CCDC88C: variants seen among roughly 807,000 people sequenced by gnomAD.
CCDC88C encodes the protein protein Daple.
In CCDC88C, 131 loss-of-function variants were observed where a neutral mutation model predicts 198.8. The observed-to-expected ratio is 0.66, with a 90% CI of 0.57 to 0.76. CCDC88C has a LOEUF of 0.76. CCDC88C is among the 30% of genes least tolerant of loss of function. The probability of loss-of-function intolerance (pLI) is 0.00; values close to 1 mark genes in which losing one functional copy is unlikely to be tolerated. For synonymous variants in CCDC88C, 1,166 were observed against 1,114.7 expected (o/e 1.05, Z -0.92); for missense variants, 2,553 against 2,631.6 (o/e 0.97, Z 0.65).
rs113441106 is a variant in CCDC88C, at chr14:91,273,947, G to A, written c.5059-294C>T. 2.3e-3 allele frequency among the ~76,000 whole-genome samples: 354 copies of A among 152,234 alleles called. 2 individuals are homozygous for A. The highest frequency in any genetic ancestry group is 8.3e-3 in the African/African-American group (344 of 41,520). On this transcript the variant is annotated intron_variant, in intron 29 of 29. Coordinates refer to ENST00000389857, the MANE Select transcript of CCDC88C (RefSeq NM_001080414.4). This position sits in a 1 kb window ranked among gnomAD's most constrained non-coding sequence, Gnocchi z 5.6. ...AGAGAGGGAAATGACTTCCTACAAA[G>A]TGAGTAAGTTTCCCAGAAACCTCGA...
At chr14:91,281,094 G>A (rs1483761393) in intron 27 of CCDC88C, 4 of 469,740 alleles carry the variant, frequency 8.5e-6, no homozygotes, top group Non-Finnish European at 1.7e-5. Flanking sequence ...ATACGCCTCA[G>A]AGCTACTATG....
At chr14:91,391,673 G>A (rs546575004) in intron 3 of CCDC88C, among the ~76,000 whole-genome samples, 1 of 152,244 alleles carries the variant, frequency 6.6e-6, no homozygotes, top group Admixed American at 6.5e-5. Context: ...CAGCTACTCG[G>A]GAGGCTGAGG....
Position 91,294,286 on chromosome 14 carries a change from T to G in CCDC88C, c.3999A>C (p.Glu1333Asp). The G allele has an allele frequency of 6.2e-7, 1 of 1,614,028 alleles. No homozygotes were observed. The highest frequency in any genetic ancestry group is 1.1e-5 in the South Asian group (1 of 91,086). The stretch of plus-strand genomic sequence containing the variant: ...TCTGGCTCAGGAGGTGATGATTTTC[T>G]TCCTCCAAGTTCCCCTTGAGACGGG... ...LLSRLKGNLE[E>D]ENHHLLSQIQ... Residue 1333 changes from glutamate to aspartate, a missense_variant, in exon 23 of 30, where the codon GAA (glutamate) becomes GAC (aspartate). Physicochemically the swap from Glu to Asp is conservative, Grantham distance 45 (BLOSUM62 2). Coordinates refer to ENST00000389857, the MANE Select transcript of CCDC88C (RefSeq NM_001080414.4).
chr14:91,305,894 T>TA lies in CCDC88C; in HGVS notation c.3227dup (p.Glu1078GlyfsTer138). 6.2e-7 allele frequency: 1 copy of TA among 1,613,820 alleles called. No individual in the cohort carries two copies. Among genetic ancestry groups the TA allele is most frequent in the Non-Finnish European group, 8.5e-7 (1 of 1,179,866 alleles). On this transcript the variant is annotated frameshift_variant, in exon 19 of 30. Transcript: ENST00000389857. LOFTEE classifies it high-confidence loss of function. ...TCTCCAGGTGCTGCAGCTGTTCCTT[T>TA]AGCAGCTGCTTCTCAGCCTGCAGAG...
chr14:91,323,671 G>A (rs1296291952), intron 12 of CCDC88C, among the ~76,000 whole-genome samples: 3 of 152,296 alleles, frequency 2.0e-5, no homozygotes, highest in South Asian at 4.1e-4. Context: ...GGTCTAAATC[G>A]GTGAGGCCTT....
chr14:91,388,488 G>A (rs1885286870), intron 3 of CCDC88C, among the ~76,000 whole-genome samples: 2 of 152,156 alleles, frequency 1.3e-5, no homozygotes, highest in East Asian at 1.9e-4. Context: ...CAGGGCTAAG[G>A]TGTCTGCCAT....
intron 13 of CCDC88C, among the ~76,000 whole-genome samples, chr14:91,320,024 CAAAAAA>C (rs61102058): frequency 1.7e-4 from 4 of 24,176 alleles, no homozygotes; most frequent in African/African-American, 3.2e-4. Context: ...AACTCAGTCT[CAAAAAA>C]AAAAAAAAAA....
At chr14:91,285,696 A>G (rs994340072) in intron 25 of CCDC88C, 10 of 1,288,966 alleles carry the variant, frequency 7.8e-6, no homozygotes, top group Middle Eastern at 2.2e-4. Flanking sequence ...TCGGAGAAAG[A>G]GAGAGGCTCG....
At chr14:91,404,346 T>C (rs1002179947) in intron 3 of CCDC88C, among the ~76,000 whole-genome samples, 7 of 152,194 alleles carry the variant, frequency 4.6e-5, no homozygotes, top group Non-Finnish European at 1.0e-4. Flanking sequence ...ATCTGGTGTA[T>C]GTGATGGAGA....
In CCDC88C at chr14:91,321,231, A is replaced by T. The variant is rs1477503284; in HGVS notation, c.1416T>A (p.Asn472Lys). 1.9e-6 allele frequency: 3 copies of T among 1,603,536 alleles called. No individual in the cohort carries two copies. In the African/African-American group the frequency reaches 4.0e-5, roughly 21 times the overall value. ...CCTGGATGGTGCTCTGGAGGCTCTGATTCTCCTTCTCCAGCTTCAGGATGC... is the reference window on the plus strand; with the variant it reads ...CCTGGATGGTGCTCTGGAGGCTCTGTTTCTCCTTCTCCAGCTTCAGGATGC... ...SSRILKLEKE[N>K]QSLQSTIQGL... Residue 472 changes from asparagine (N) to lysine (K), a missense_variant, in exon 13 of 30, where the codon AAT becomes AAA. Asn to Lys is a moderately conservative substitution (Grantham distance 94). Around this residue, in one of 2 missense-constraint regions of CCDC88C, gnomAD observed 1,260 missense variants for 1,412.0 expected, o/e 0.89. Coordinates refer to ENST00000389857, the MANE Select transcript of CCDC88C (RefSeq NM_001080414.4).
At chr14:91,281,670 C>G in intron 26 of CCDC88C, 145 bp from the exon 27 acceptor site, 1 of 689,324 alleles carries the variant, frequency 1.5e-6, no homozygotes, top group Non-Finnish European at 2.6e-6. Flanking sequence ...CCTTTGGGAC[C>G]TGCCTCTCCT....
At chr14:91,404,964 C>CAA (rs57911960) in intron 3 of CCDC88C, among the ~76,000 whole-genome samples, 34 of 103,376 alleles carry the variant, frequency 3.3e-4, no homozygotes, top group East Asian at 8.4e-4. Context: ...GACTCCATCT[C>CAA]AAAAAAAAAA....
chr14:91,357,070 T>C (rs1474732916), intron 4 of CCDC88C, among the ~76,000 whole-genome samples: 1 of 152,232 alleles, frequency 6.6e-6, no homozygotes, highest in Non-Finnish European at 1.5e-5. Flanking sequence ...GATGTCCATG[T>C]GTGACAGATG....
intron 3 of CCDC88C, chr14:91,379,083 T>C (rs959451136): frequency 2.6e-5 from 4 of 152,188 alleles, no homozygotes; most frequent in African/African-American, 7.2e-5. Context: ...GCACAGCAAT[T>C]TGCATTCCCA....
intron 22 of CCDC88C, 57 bp from the exon 23 acceptor site, chr14:91,294,375 G>C: frequency 5.0e-6 from 8 of 1,587,992 alleles, no homozygotes; most frequent in Non-Finnish European, 6.9e-6. Context: ...TCCCACTGCT[G>C]GGAACCTAGC....
chr14:91,353,280 G>A (rs1329838975), intron 4 of CCDC88C, among the ~76,000 whole-genome samples: 2 of 152,074 alleles, frequency 1.3e-5, no homozygotes, highest in Non-Finnish European at 2.9e-5. Flanking sequence ...CTCTGTCCGT[G>A]GCTTGCCCAG....
chr14:91,301,896 C>T (rs1273008685), intron 20 of CCDC88C, among the ~76,000 whole-genome samples: 1 of 152,106 alleles, frequency 6.6e-6, no homozygotes, highest in African/African-American at 2.4e-5. Context: ...AGACACAGCA[C>T]CACGTACACA....
Position 91,273,669 on chromosome 14 carries a change from T to G in CCDC88C, c.5059-16A>C, listed in dbSNP as rs1889840676. ...TGGGAGTGTCCTACGGAGAAGAGAGTGAAGGTTGGAGGTGGGCATGAGGGT... is the reference window on the plus strand; with the variant it reads ...TGGGAGTGTCCTACGGAGAAGAGAGGGAAGGTTGGAGGTGGGCATGAGGGT... On this transcript the variant is annotated splice_polypyrimidine_tract_variant and intron_variant, in intron 29 of 29. Transcript: ENST00000389857. The surrounding 1 kb of genome is among the most constrained non-coding windows in gnomAD (Gnocchi z 5.6). 6.9e-7 allele frequency: 1 copy of G among 1,442,828 alleles called. No individual in the cohort carries two copies. Among genetic ancestry groups the G allele is most frequent in the African/African-American group, 1.5e-5 (1 of 68,726 alleles). 89.4% of individuals were successfully genotyped at this position (1,442,828 alleles called of 1,614,324 possible). A position where few individuals can be genotyped will look rare whatever the true frequency, so the allele number is the denominator to read the frequency against.
At chr14:91,274,065 C>T (rs766801627) in intron 29 of CCDC88C, among the ~76,000 whole-genome samples, 35 of 151,952 alleles carry the variant, frequency 2.3e-4, no homozygotes, top group Non-Finnish European at 4.9e-4. Flanking sequence ...CTTCCCCGGT[C>T]ACCCCGGGAC....
Sources: gnomAD v4.1 joint callset for allele counts (sites outside exome capture counted in the v4.1 genomes callset) on GRCh38, gnomAD v4.1.1 for gene constraint, gnomAD v4.1.1 regional missense constraint, Gnocchi (gnomAD v3.1) non-coding constraint, MANE v1.5 for transcripts, NCBI Gene and HGNC (gene_info 2026-07-23, HGNC 2026-07-21) for gene names.